SCHIP1: variants seen among roughly 807,000 people sequenced by gnomAD.
SCHIP1 encodes schwannomin interacting protein 1.
A neutral mutation model predicts 29.7 loss-of-function variants in SCHIP1; 8 were observed. The ratio of observed to expected loss-of-function variants is 0.27; its 90% CI spans 0.16 to 0.49. The LOEUF is 0.49. SCHIP1 is among the 20% of genes least tolerant of loss of function. The pLI is 0.99. For synonymous variants in SCHIP1, 76 were observed against 94.9 expected (o/e 0.80, Z 1.16); for missense variants, 193 against 294.6 (o/e 0.66, Z 2.52).
chr3:159,672,715 A>C, the SCHIP1 span, among the ~76,000 whole-genome samples: 1 of 152,218 alleles, frequency 6.6e-6, no homozygotes, highest in African/African-American at 2.4e-5. Flanking sequence ...GCCAAGGTTG[A>C]GAATTTTTGC....
At chr3:159,355,756 T>C in the SCHIP1 span, among the ~76,000 whole-genome samples, 1 of 152,058 alleles carries the variant, frequency 6.6e-6, no homozygotes, top group Non-Finnish European at 1.5e-5. Context: ...ACTATTTTGT[T>C]CCTGGCGAGG....
At chr3:159,532,414 A>T in the SCHIP1 span, among the ~76,000 whole-genome samples, 1 of 152,190 alleles carries the variant, frequency 6.6e-6, no homozygotes, top group East Asian at 1.9e-4. Context: ...AAATCTAAAC[A>T]TCATTTGGTT....
the SCHIP1 span, among the ~76,000 whole-genome samples, chr3:159,486,718 G>A: frequency 6.6e-6 from 1 of 152,234 alleles, no homozygotes; most frequent in Non-Finnish European, 1.5e-5. Context: ...ATGCAGGGAA[G>A]GCAATGTGAA....
At chr3:159,701,744 T>G in the SCHIP1 span, among the ~76,000 whole-genome samples, 1 of 152,206 alleles carries the variant, frequency 6.6e-6, no homozygotes, top group African/African-American at 2.4e-5. Context: ...GTGGCCTTCT[T>G]AATCCTCAGT....
the SCHIP1 span, among the ~76,000 whole-genome samples, chr3:159,468,777 A>ATATATATATAT: frequency 9.0e-4 from 114 of 127,316 alleles, 1 homozygote; most frequent in African/African-American, 3.4e-3. Context: ...ATATATATAT[A>ATATATATATAT]TTTTTTTTAG....
At chr3:159,719,946 C>T in the SCHIP1 span, among the ~76,000 whole-genome samples, 38 of 152,118 alleles carry the variant, frequency 2.5e-4, no homozygotes, top group African/African-American at 7.5e-4. Flanking sequence ...ATGTTTATTG[C>T]GGCACTTCAC....
exon 7 of SCHIP1, chr3:159,896,900 A>C (rs1469302002): frequency 2.1e-6 from 2 of 953,076 alleles, no homozygotes; most frequent in East Asian, 3.0e-5. Context: ...CTGAAGCTTA[A>C]TGTCCAGTGA....
chr3:159,670,410 G>C, the SCHIP1 span, among the ~76,000 whole-genome samples: 740 of 152,254 alleles, frequency 4.9e-3, 7 homozygotes, highest in African/African-American at 0.017. Context: ...TCAATGTTTA[G>C]TTGAATTTAA....
chr3:159,513,188 C>G, the SCHIP1 span, among the ~76,000 whole-genome samples: 2 of 152,078 alleles, frequency 1.3e-5, no homozygotes, highest in Non-Finnish European at 2.9e-5. Flanking sequence ...ACTCTAAATT[C>G]ACAATTGTGG....
chr3:159,881,896 C>T (rs992854858), intron 2 of SCHIP1, among the ~76,000 whole-genome samples: 1 of 152,182 alleles, frequency 6.6e-6, no homozygotes. Context: ...GGCTCTCACA[C>T]GTGTCTAGGG....
the SCHIP1 span, among the ~76,000 whole-genome samples, chr3:159,293,326 G>C: frequency 6.6e-6 from 1 of 152,154 alleles, no homozygotes; most frequent in Non-Finnish European, 1.5e-5. Flanking sequence ...CAAATCTGAA[G>C]GGAAAACATC....
the SCHIP1 span, among the ~76,000 whole-genome samples, chr3:159,718,862 C>T: frequency 1.1e-4 from 17 of 152,236 alleles, no homozygotes; most frequent in South Asian, 2.1e-4. Context: ...TGAATTTCTT[C>T]GCAGAATTGG....
the SCHIP1 span, among the ~76,000 whole-genome samples, chr3:159,629,336 C>T: frequency 6.6e-6 from 1 of 152,158 alleles, no homozygotes; most frequent in South Asian, 2.1e-4. Flanking sequence ...CTTTTTCTGG[C>T]TAAGTCTTCT....
chr3:159,491,990 G>A, the SCHIP1 span, among the ~76,000 whole-genome samples: 15 of 152,248 alleles, frequency 9.9e-5, no homozygotes, highest in African/African-American at 3.1e-4. Flanking sequence ...AGGCAAACAG[G>A]GTCTGGAGTG....
At chr3:159,573,405 G>T in the SCHIP1 span, among the ~76,000 whole-genome samples, 8 of 152,114 alleles carry the variant, frequency 5.3e-5, no homozygotes, top group Non-Finnish European at 1.2e-4. Flanking sequence ...ATTCTGGGTT[G>T]AAAATTCTTT....
At chr3:159,723,299 T>C in the SCHIP1 span, among the ~76,000 whole-genome samples, 5 of 152,202 alleles carry the variant, frequency 3.3e-5, no homozygotes, top group African/African-American at 1.2e-4. Flanking sequence ...CATCCACATA[T>C]TTTTATTACT....
At chr3:159,889,395 A>G (rs1482793526) in intron 5 of SCHIP1, among the ~76,000 whole-genome samples, 2 of 152,252 alleles carry the variant, frequency 1.3e-5, no homozygotes, top group Non-Finnish European at 2.9e-5. Flanking sequence ...TGTGAAAATT[A>G]CAGGGTGACA....
the SCHIP1 span, among the ~76,000 whole-genome samples, chr3:159,493,010 A>C: frequency 5.3e-5 from 8 of 152,326 alleles, no homozygotes; most frequent in East Asian, 1.9e-4. Flanking sequence ...TAAGCTTCAT[A>C]AGTGAAGGAG....
the SCHIP1 span, among the ~76,000 whole-genome samples, chr3:159,332,350 G>T: frequency 1.3e-5 from 2 of 152,120 alleles, no homozygotes; most frequent in Non-Finnish European, 2.9e-5. Context: ...CAAACATCTT[G>T]CTCAAGATCG....
Sources: gnomAD v4.1 joint callset for allele counts (sites outside exome capture counted in the v4.1 genomes callset) on GRCh38, gnomAD v4.1.1 for gene constraint, MANE v1.5 for transcripts, NCBI Gene and HGNC (gene_info 2026-07-23, HGNC 2026-07-21) for gene names.